The following HEMK2 variants were observed in gnomAD, a reference collection of about 807,000 sequenced individuals.
HEMK2 encodes methyltransferase HEMK2.
chr21:28,875,444 T>C, the HEMK2 span: 1 of 152,312 alleles, frequency 6.6e-6, no homozygotes, highest in South Asian at 2.1e-4. Flanking sequence ...GATTCACCTA[T>C]AGGGACCTGC....
At chr21:28,675,754 T>C in the HEMK2 span, among the ~76,000 whole-genome samples, 64 of 152,342 alleles carry the variant, frequency 4.2e-4, no homozygotes, top group African/African-American at 1.4e-3. Context: ...CTCATCTTAC[T>C]AATAATTCCT....
chr21:28,690,632 A>G, the HEMK2 span, among the ~76,000 whole-genome samples: 1 of 152,236 alleles, frequency 6.6e-6, no homozygotes, highest in East Asian at 1.9e-4. Flanking sequence ...AGCCCCCTCT[A>G]TGTGCCCCAA....
At chr21:28,667,968 A>G in the HEMK2 span, among the ~76,000 whole-genome samples, 1 of 152,212 alleles carries the variant, frequency 6.6e-6, no homozygotes. Flanking sequence ...AATCAACCCA[A>G]CAGCAAACGA....
the HEMK2 span, among the ~76,000 whole-genome samples, chr21:28,623,500 T>C: frequency 3.9e-5 from 6 of 152,184 alleles, no homozygotes; most frequent in Non-Finnish European, 5.9e-5. Context: ...ACCCAAAGGA[T>C]TGCAAACCAT....
At chr21:28,765,368 A>G in the HEMK2 span, among the ~76,000 whole-genome samples, 120 of 152,290 alleles carry the variant, frequency 7.9e-4, no homozygotes, top group Non-Finnish European at 1.3e-3. Context: ...ACAGAAACTA[A>G]TAAGTGTGTG....
At chr21:28,754,389 G>A in the HEMK2 span, among the ~76,000 whole-genome samples, 5 of 152,334 alleles carry the variant, frequency 3.3e-5, no homozygotes, top group South Asian at 2.1e-4. Context: ...GTGTGTGTAC[G>A]TGTGAGGGTC....
chr21:28,732,621 T>C, the HEMK2 span, among the ~76,000 whole-genome samples: 1 of 152,112 alleles, frequency 6.6e-6, no homozygotes, highest in Non-Finnish European at 1.5e-5. Flanking sequence ...GGAGTGGATG[T>C]AAGCATGAAA....
chr21:28,658,857 T>C, the HEMK2 span, among the ~76,000 whole-genome samples: 31 of 152,252 alleles, frequency 2.0e-4, no homozygotes, highest in African/African-American at 6.0e-4. Flanking sequence ...CTATTACATT[T>C]CATCTTGTTA....
chr21:28,631,186 C>A, the HEMK2 span, among the ~76,000 whole-genome samples: 1 of 152,102 alleles, frequency 6.6e-6, no homozygotes. Context: ...TCAGAGGGAC[C>A]AGCTGGTCCA....
the HEMK2 span, among the ~76,000 whole-genome samples, chr21:28,630,647 G>A: frequency 6.6e-6 from 1 of 151,546 alleles, no homozygotes; most frequent in African/African-American, 2.4e-5. Context: ...GATGAAACTG[G>A]AAACCATCAT....
the HEMK2 span, among the ~76,000 whole-genome samples, chr21:28,640,752 G>T: frequency 7.9e-5 from 12 of 152,240 alleles, no homozygotes; most frequent in Non-Finnish European, 1.6e-4. Context: ...TTTCTCATCT[G>T]CCCAGCTGCC....
the HEMK2 span, among the ~76,000 whole-genome samples, chr21:28,710,014 A>G: frequency 6.6e-6 from 1 of 152,198 alleles, no homozygotes; most frequent in South Asian, 2.1e-4. Context: ...AAACATTCCC[A>G]TGTGGGCTCA....
the HEMK2 span, among the ~76,000 whole-genome samples, chr21:28,838,972 A>AAAAAAATATATATATATAT: frequency 3.4e-5 from 1 of 29,148 alleles, no homozygotes; most frequent in African/African-American, 1.9e-4. Context: ...AAAAAAAAAA[A>AAAAAAATATATATATATAT]ATATATATAT....
At chr21:28,652,229 G>T in the HEMK2 span, among the ~76,000 whole-genome samples, 4 of 151,910 alleles carry the variant, frequency 2.6e-5, no homozygotes, top group Admixed American at 2.0e-4. Context: ...TTTCCTTTCA[G>T]AGTGTTGATT....
At chr21:28,836,505 A>C in the HEMK2 span, among the ~76,000 whole-genome samples, 1 of 152,190 alleles carries the variant, frequency 6.6e-6, no homozygotes, top group Non-Finnish European at 1.5e-5. Context: ...TTGAAAAAAA[A>C]TCCTGGAGGA....
the HEMK2 span, among the ~76,000 whole-genome samples, chr21:28,749,842 A>G: frequency 2.6e-5 from 4 of 152,372 alleles, no homozygotes; most frequent in Admixed American, 6.5e-5. Context: ...AGAACATCAG[A>G]GGAGTGTCTA....
At chr21:28,804,722 A>G in the HEMK2 span, among the ~76,000 whole-genome samples, 1 of 152,240 alleles carries the variant, frequency 6.6e-6, no homozygotes, top group Non-Finnish European at 1.5e-5. Flanking sequence ...ATCCTATCCA[A>G]AAGCTTCATC....
chr21:28,806,318 C>G, the HEMK2 span, among the ~76,000 whole-genome samples: 4 of 152,118 alleles, frequency 2.6e-5, no homozygotes, highest in Admixed American at 1.3e-4. Context: ...TATGCTGGTT[C>G]ATGTAAAATG....
the HEMK2 span, among the ~76,000 whole-genome samples, chr21:28,722,688 C>T: frequency 6.6e-6 from 1 of 152,182 alleles, no homozygotes; most frequent in African/African-American, 2.4e-5. Flanking sequence ...TCAAGACCAG[C>T]CTGACCAACA....
Sources: gnomAD v4.1 joint callset for allele counts (sites outside exome capture counted in the v4.1 genomes callset) on GRCh38, gnomAD v4.1.1 for gene constraint, MANE v1.5 for transcripts, NCBI Gene and HGNC (gene_info 2026-07-23, HGNC 2026-07-21) for gene names.